The following NEURL4 variants were observed in gnomAD, a reference collection of about 807,000 sequenced individuals.
The protein encoded by NEURL4 is neuralized-like protein 4.
A neutral mutation model predicts 148.0 loss-of-function variants in NEURL4; 45 were observed. The observed-to-expected ratio is 0.30, with a 90% CI of 0.24 to 0.39. The LOEUF is 0.39. Ranked by LOEUF, NEURL4 falls within the 10% of genes least tolerant of loss-of-function variation. The pLI, the probability that NEURL4 is intolerant of heterozygous loss-of-function variation, is 1.00. For missense variants in NEURL4, 1,776 were observed against 2,144.0 expected, an observed-to-expected ratio of 0.83 and a Z score of 3.39; for synonymous variants, 854 against 869.0, an observed-to-expected ratio of 0.98 and a Z score of 0.30.
chr17:7,326,936 A>G lies in NEURL4; in HGVS notation c.867T>C (p.Asn289=). ...ILSAYNGGLL[N]VNLSSPPAGE... ...CTGCCGGTGGGGAGCTCAGGTTCAC[A>G]TTCAGGAGCCCTCCATTGTAGGCAG... Residue 289 remains asparagine, a synonymous_variant, in exon 4 of 29, where the codon AAT becomes AAC. Transcript: ENST00000399464. The surrounding 1 kb of genome is among the most constrained non-coding windows in gnomAD (Gnocchi z 6.0). 6.2e-7 allele frequency: 1 copy of G among 1,613,944 alleles called. No individual in the cohort carries two copies. The highest frequency in any genetic ancestry group is 8.5e-7 in the Non-Finnish European group (1 of 1,180,010).
Position 7,322,032 on chromosome 17 carries a change from A to G in NEURL4, c.2726-22T>C, listed in dbSNP as rs756937428. 2 of 1,588,772 alleles carry G rather than the reference A, an allele frequency of 1.3e-6. No homozygotes were observed. On this transcript the variant is annotated intron_variant, in intron 16 of 28. Coordinates refer to ENST00000399464, the MANE Select transcript of NEURL4 (RefSeq NM_032442.3). This position sits in a 1 kb window ranked among gnomAD's most constrained non-coding sequence, Gnocchi z 5.5. ...GCCACTGTGAAGAGATGGCACCAGT[A>G]GAAGGGGTAGGATTGGGGCAGCGAG...
Position 7,324,376 on chromosome 17 carries a change from G to A in NEURL4, c.1899+19C>T, listed in dbSNP as rs373623205. On this transcript the variant is annotated intron_variant, in intron 10 of 28. Transcript: ENST00000399464. The surrounding 1 kb of genome is among the most constrained non-coding windows in gnomAD (Gnocchi z 5.9). Reference sequence around the variant, plus strand: ...GTGATGCCCGCTGCGGCCGCCAGGCGGCGCACCCACTTTCCCACCTTGAGG... The same window carrying A: ...GTGATGCCCGCTGCGGCCGCCAGGCAGCGCACCCACTTTCCCACCTTGAGG... 2.5e-5 allele frequency: 40 copies of A among 1,613,916 alleles called. No homozygotes were observed. The Middle Eastern group carries it at 1.3e-3, about 53-fold the overall frequency.
chr17:7,318,553 ACAGCTACCCCCTGGTC>A lies in NEURL4; in HGVS notation c.3790_3805del (p.Asp1264CysfsTer21). ...ATGGCAGGGCTGGGGCACATCTGGCACAGCTACCCCCTGGTCCACCCCATTAACATGAAGATGCAGC... is the reference window on the plus strand; with the variant it reads ...ATGGCAGGGCTGGGGCACATCTGGCACACCCCATTAACATGAAGATGCAGC... On this transcript the variant is annotated frameshift_variant, in exon 23 of 29. Coordinates refer to ENST00000399464, the MANE Select transcript of NEURL4 (RefSeq NM_032442.3). LOFTEE classifies it high-confidence loss of function. The surrounding 1 kb of genome is among the most constrained non-coding windows in gnomAD (Gnocchi z 4.3). The A allele has an allele frequency of 6.2e-7, 1 of 1,613,506 alleles. No homozygotes were observed. The highest frequency in any genetic ancestry group is 8.5e-7 in the Non-Finnish European group (1 of 1,179,744).
In NEURL4 at chr17:7,326,227, G is replaced by A. The variant is rs199792111; in HGVS notation, c.1293+28C>T. ...GAGTACCTGTGGCTCTGCTGAAAGC[G>A]GCCCAGGGATCTGTGCCCCACCCTC... On this transcript the variant is annotated intron_variant, in intron 6 of 28. Coordinates refer to ENST00000399464, the MANE Select transcript of NEURL4 (RefSeq NM_032442.3). This position sits in a 1 kb window ranked among gnomAD's most constrained non-coding sequence, Gnocchi z 6.0. 5.2e-5 allele frequency: 84 copies of A among 1,607,588 alleles called. No homozygotes were observed. The highest frequency in any genetic ancestry group is 1.7e-4 in the African/African-American group (13 of 74,868).
rs2073079316 is a variant in NEURL4 at position 7,324,787 on chromosome 17, C to T, written c.1813+12G>A. The T allele has an allele frequency of 6.2e-7, 1 of 1,613,842 alleles. No individual in the cohort carries two copies. Among genetic ancestry groups the T allele is most frequent in the African/African-American group, 1.3e-5 (1 of 74,918 alleles). On this transcript the variant is annotated intron_variant, in intron 9 of 28. Coordinates refer to ENST00000399464, the MANE Select transcript of NEURL4 (RefSeq NM_032442.3). The surrounding 1 kb of genome is among the most constrained non-coding windows in gnomAD (Gnocchi z 5.9). Reference sequence around the variant, plus strand: ...AAACCCTATCCTGTCCCTGCCCTTCCTGGGAGCTCACCAGAGCGCAAGTTG... The same window carrying T: ...AAACCCTATCCTGTCCCTGCCCTTCTTGGGAGCTCACCAGAGCGCAAGTTG...
rs759954519 is a variant in NEURL4 at position 7,322,002 on chromosome 17, C to T, written c.2734G>A (p.Val912Met). 12 of 1,605,602 alleles carry T rather than the reference C, an allele frequency of 7.5e-6. No individual in the cohort carries two copies. The South Asian group carries it at 7.8e-5, about 10-fold the overall frequency. The stretch of plus-strand genomic sequence containing the variant: ...CAAGTACTGTGGAATCGGTGAGCCA[C>T]GCCAGCCACTGTGAAGAGATGGCAC... ...SFPLHSPVAG[V>M]AHRFHSTCGK... is the part of the protein sequence containing the mutation. Residue 912 changes from valine (V) to methionine (M), a missense_variant, in exon 17 of 29, where the codon GTG becomes ATG. Coordinates refer to ENST00000399464, the MANE Select transcript of NEURL4 (RefSeq NM_032442.3). The surrounding 1 kb of genome is among the most constrained non-coding windows in gnomAD (Gnocchi z 5.5).
intron 21 of NEURL4, 122 bp from the exon 22 acceptor site, chr17:7,319,330 G>T: frequency 1.7e-6 from 1 of 598,374 alleles, no homozygotes; most frequent in Non-Finnish European, 2.6e-6. Flanking sequence ...CTTTTCTTAT[G>T]CTTGGAAGGA....
At chr17:7,323,402 C>G in intron 14 of NEURL4, 83 bp downstream of exon 14, 1 of 1,415,184 alleles carries the variant, frequency 7.1e-7, no homozygotes, top group East Asian at 2.3e-5. Context: ...CTACCCACAG[C>G]CACCATAGGC....
intron 14 of NEURL4, 108 bp downstream of exon 14, chr17:7,323,377 C>T (rs2073057511): frequency 8.6e-7 from 1 of 1,164,098 alleles, no homozygotes; most frequent in Non-Finnish European, 1.3e-6. Flanking sequence ...ACAGGTAGAT[C>T]CCCTAGGTCT....
rs187911149 is a variant in NEURL4, at chr17:7,327,419, C to G, written c.727+21G>C. On this transcript the variant is annotated intron_variant, in intron 2 of 28. Coordinates refer to ENST00000399464, the MANE Select transcript of NEURL4 (RefSeq NM_032442.3). This position sits in a 1 kb window ranked among gnomAD's most constrained non-coding sequence, Gnocchi z 6.6. ...CCATTCCGTCCCCACCCCACCACCA[C>G]TGCCCTAGCTGTGTTCTCACCTTCA... 1 of 1,532,022 alleles carries G rather than the reference C, an allele frequency of 6.5e-7. No individual in the cohort carries two copies. The highest frequency in any genetic ancestry group is 1.4e-5 in the African/African-American group (1 of 72,672). 94.9% of individuals were successfully genotyped at this position (1,532,022 alleles called of 1,614,324 possible). A position where few individuals can be genotyped will look rare whatever the true frequency, so the allele number is the denominator to read the frequency against.
In NEURL4 at chr17:7,329,283, GC is replaced by G; in HGVS notation, c.29del (p.Gly10AlafsTer43). The G allele has an allele frequency of 7.2e-7, 1 of 1,393,034 alleles. No homozygotes were observed. The allele number at this position is 1,393,034 out of a possible 1,614,324, so 86.3% of individuals were successfully genotyped here. A position where few individuals can be genotyped will look rare whatever the true frequency, so the allele number is the denominator to read the frequency against. On this transcript the variant is annotated frameshift_variant, in exon 1 of 29. Coordinates refer to ENST00000399464, the MANE Select transcript of NEURL4 (RefSeq NM_032442.3). LOFTEE classifies it high-confidence loss of function. MAAGSGGSG[G>X]SGGGPGPGPG... ...GCCCCGGTCCAGGGCCTCCCCCAGA[GC>G]CCCCACTCCCACCCGACCCTGCCGC...
Position 7,324,326 on chromosome 17 carries a change from G to T in NEURL4, c.1900-56C>A, listed in dbSNP as rs1314433292. 4 of 1,613,474 alleles carry T rather than the reference G, an allele frequency of 2.5e-6. No individual in the cohort carries two copies. Among genetic ancestry groups the T allele is most frequent in the African/African-American group, 1.3e-5 (1 of 74,922 alleles). On this transcript the variant is annotated intron_variant, in intron 10 of 28. Coordinates refer to ENST00000399464, the MANE Select transcript of NEURL4 (RefSeq NM_032442.3). This position sits in a 1 kb window ranked among gnomAD's most constrained non-coding sequence, Gnocchi z 5.9. ...TCAGGCAGAGTTCCTGCCGGGGCTG[G>T]TCCTGCATCAGCCCCGCGGTGTTTG...
rs532755051 is a variant in NEURL4, at chr17:7,327,281, C to T, written c.728-51G>A. The T allele has an allele frequency of 4.0e-5, 61 of 1,524,358 alleles. No individual in the cohort carries two copies. The highest frequency in any genetic ancestry group is 3.0e-4 in the East Asian group (13 of 43,960). 94.4% of individuals were successfully genotyped at this position (1,524,358 alleles called of 1,614,324 possible). ...GAATAAGGGTTCAGTCCCTGCTTCA[C>T]GGCCCATAGCCAGGAGAACCCCCCA... is the stretch of plus-strand genomic sequence containing the variant. On this transcript the variant is annotated intron_variant, in intron 2 of 28. Transcript: ENST00000399464. The surrounding 1 kb of genome is among the most constrained non-coding windows in gnomAD (Gnocchi z 6.6).
rs2073076003 is a variant in NEURL4, at chr17:7,324,515, G to A, written c.1814-35C>T. ...CAAGGAGCAGGAGGGGACATGAGGG[G>A]AAATGCAGGGCTCCTCTCCTTGCCA... On this transcript the variant is annotated intron_variant, in intron 9 of 28. Transcript: ENST00000399464. This position sits in a 1 kb window ranked among gnomAD's most constrained non-coding sequence, Gnocchi z 5.9. 1 of 1,577,358 alleles carries A rather than the reference G, an allele frequency of 6.3e-7. No individual in the cohort carries two copies. The highest frequency in any genetic ancestry group is 8.7e-7 in the Non-Finnish European group (1 of 1,146,762).
chr17:7,323,997 G>C lies in NEURL4; in HGVS notation c.2078C>G (p.Pro693Arg). ...GTTGTTCCCCTCAGGGAGTGGTTCAGGAACTGGAGCCACCTCTGTAAAAGT... is the reference window on the plus strand; with the variant it reads ...GTTGTTCCCCTCAGGGAGTGGTTCACGAACTGGAGCCACCTCTGTAAAAGT... ...IVDDVEVAPV[P>R]EPLPEGNNQV... is the part of the protein sequence containing the mutation. Residue 693 changes from proline to arginine, a missense_variant, in exon 12 of 29, where the codon CCT becomes CGT. Transcript: ENST00000399464. 4.3e-6 allele frequency: 7 copies of C among 1,610,112 alleles called. No individual in the cohort carries two copies. The highest frequency in any genetic ancestry group is 5.9e-6 in the Non-Finnish European group (7 of 1,180,010).
Position 7,329,258 on chromosome 17 carries a change from G to GCC in NEURL4, c.53_54dup (p.Pro19GlyfsTer35). 1 of 985,880 alleles carries GCC rather than the reference G, an allele frequency of 1.0e-6. No individual in the cohort carries two copies. The highest frequency in any genetic ancestry group is 1.4e-6 in the Non-Finnish European group (1 of 695,978). The allele number at this position is 985,880 out of a possible 1,614,324, so 61.1% of individuals were successfully genotyped here. A position where few individuals can be genotyped will look rare whatever the true frequency, so the allele number is the denominator to read the frequency against. The stretch of plus-strand genomic sequence containing the variant: ...CCGCTGGGGCCCCCACCCCCGCCCG[G>GCC]CCCCGGTCCAGGGCCTCCCCCAGAG... On this transcript the variant is annotated frameshift_variant, in exon 1 of 29. Coordinates refer to ENST00000399464, the MANE Select transcript of NEURL4 (RefSeq NM_032442.3). LOFTEE classifies it high-confidence loss of function.
At position 7,316,101 on chromosome 17, in the gene NEURL4, TGTA is replaced by T; in HGVS notation, c.*19_*21del. The T allele has an allele frequency of 8.1e-7, 1 of 1,229,094 alleles. No individual in the cohort carries two copies. Among genetic ancestry groups the T allele is most frequent in the Non-Finnish European group, 1.2e-6 (1 of 828,664 alleles). The allele number at this position is 1,229,094 out of a possible 1,614,324, so 76.1% of individuals were successfully genotyped here. On this transcript the variant is annotated 3_prime_UTR_variant, in exon 29 of 29. Transcript: ENST00000399464. ...CATGGGCCCGCGGCCCGACTGTGCT[TGTA>T]GTAGTGGTGTCTCACCCCTCATTCC...
chr17:7,315,833 T>G lies in NEURL4; in HGVS notation c.*290A>C. 1.9e-6 allele frequency: 1 copy of G among 530,896 alleles called. No homozygotes were observed. Among genetic ancestry groups the G allele is most frequent in the Non-Finnish European group, 3.3e-6 (1 of 300,502 alleles). The allele number at this position is 530,896 out of a possible 1,614,324, so 32.9% of individuals were successfully genotyped here. ...CGGAAATAAATTAAGTGATGTGGGGTAGGGGAGTAAAAGGGAGTCATGTTC... is the reference window on the plus strand; with the variant it reads ...CGGAAATAAATTAAGTGATGTGGGGGAGGGGAGTAAAAGGGAGTCATGTTC... On this transcript the variant is annotated 3_prime_UTR_variant, in exon 29 of 29. Transcript: ENST00000399464.
At chr17:7,316,796 C>T (rs553042666) in intron 28 of NEURL4, among the ~76,000 whole-genome samples, 115 of 152,218 alleles carry the variant, frequency 7.6e-4, no homozygotes, top group African/African-American at 2.7e-3. Context: ...GTGGTGCGTG[C>T]CTGTAGTCCC....
Sources: allele counts gnomAD v4.1 joint callset (sites outside exome capture counted in the v4.1 genomes callset), GRCh38; gene constraint gnomAD v4.1.1; non-coding constraint Gnocchi (gnomAD v3.1); transcripts MANE v1.5; gene names NCBI Gene and HGNC (gene_info 2026-07-23, HGNC 2026-07-21).